HSF1: variants seen among roughly 807,000 people sequenced by gnomAD.
The protein encoded by HSF1 is heat shock transcription factor 1, also known as heat shock factor protein 1.
HSF1 carries 32 observed loss-of-function variants against 51.7 expected under a neutral mutation model. The ratio of observed to expected loss-of-function variants is 0.62; its 90% CI spans 0.47 to 0.83. The LOEUF (loss-of-function observed/expected upper bound fraction) is 0.83, where lower values mean the gene tolerates loss of function less well. HSF1 is among the 40% of genes least tolerant of loss of function. HSF1 has a pLI of 0.00. For synonymous variants in HSF1, 396 were observed against 309.7 expected (o/e 1.28, Z -2.92); for missense variants, 727 against 717.0 (o/e 1.01, Z -0.16).
intron 4 of HSF1, chr8:144,310,288 T>C (rs3757977): frequency 0.53 from 94,108 of 177,146 alleles, 25,509 homozygotes; most frequent in Admixed American, 0.66. Context: ...GGAACCGCTG[T>C]CCCACACTCG....
chr8:144,313,519 T>G lies in HSF1; in HGVS notation c.1151T>G (p.Leu384Arg). ...LSVACLDKNE[L>R]SDHLDAMDSN... ...GCCTTATCCCGGGCCAGGAATGAGC[T>G]CAGTGACCACTTGGATGCTATGGAC... is the stretch of plus-strand genomic sequence containing the variant. Residue 384 changes from leucine to arginine, a missense_variant, in exon 10 of 13, where the codon CTC becomes CGC. By Grantham distance (102) the Leu-to-Arg change is moderately radical (BLOSUM62 -2). Transcript: ENST00000528838. 6.2e-7 allele frequency: 1 copy of G among 1,609,688 alleles called. No individual in the cohort carries two copies. The highest frequency in any genetic ancestry group is 8.5e-7 in the Non-Finnish European group (1 of 1,177,094).
intron 1 of HSF1, among the ~76,000 whole-genome samples, chr8:144,308,441 C>T (rs186135960): frequency 2.6e-5 from 4 of 152,236 alleles, no homozygotes; most frequent in Non-Finnish European, 4.4e-5. Flanking sequence ...GTGTTTTCCT[C>T]GGGAGTAATG....
intron 1 of HSF1, among the ~76,000 whole-genome samples, chr8:144,295,498 C>T (rs1311313124): frequency 1.3e-5 from 2 of 152,218 alleles, no homozygotes; most frequent in Non-Finnish European, 2.9e-5. Context: ...CCCAGGTAGA[C>T]GGAGGCCTCA....
At position 144,312,074 on chromosome 8, in the gene HSF1, C is replaced by G. The variant is rs1261634603; in HGVS notation, c.972C>G (p.Leu324=). 6 of 1,612,368 alleles carry G rather than the reference C, an allele frequency of 3.7e-6. No homozygotes were observed. Among genetic ancestry groups the G allele is most frequent in the African/African-American group, 1.3e-5 (1 of 74,890 alleles). ...GGCGCCCATCTTCCGTGGACACCCT[C>G]TTGTCCCCGACCGCCCTCATTGACT... ...SPGRPSSVDT[L]LSPTALIDSI... The change falls in exon 9 of 13, where the codon CTC becomes CTG. Residue 324 remains leucine, a synonymous_variant. Transcript: ENST00000528838.
In HSF1 at chr8:144,313,625, A is replaced by T; in HGVS notation, c.1248+9A>T. On this transcript the variant is annotated intron_variant, in intron 10 of 12. Coordinates refer to ENST00000528838, the MANE Select transcript of HSF1 (RefSeq NM_005526.4). ...CCAGTGCCCTGCTGGACGTGAGTGGAGCCCCGCCGCCCCGCCTCCCCGCCC... is the reference window on the plus strand; with the variant it reads ...CCAGTGCCCTGCTGGACGTGAGTGGTGCCCCGCCGCCCCGCCTCCCCGCCC... 1 of 1,456,052 alleles carries T rather than the reference A, an allele frequency of 6.9e-7. No homozygotes were observed. The highest frequency in any genetic ancestry group is 1.2e-5 in the South Asian group (1 of 85,274). 90.2% of individuals were successfully genotyped at this position (1,456,052 alleles called of 1,614,324 possible). A position where few individuals can be genotyped will look rare whatever the true frequency, so the allele number is the denominator to read the frequency against.
intron 9 of HSF1, chr8:144,312,735 GGGA>G: frequency 2.0e-6 from 3 of 1,529,316 alleles, no homozygotes; most frequent in Non-Finnish European, 2.6e-6. Context: ...CCACTGGGGA[GGGA>G]GGAGGGCTCT....
At chr8:144,293,338 C>T (rs1043633679) in intron 1 of HSF1, 2 of 152,300 alleles carry the variant, frequency 1.3e-5, no homozygotes, top group Non-Finnish European at 2.9e-5. Flanking sequence ...GTGCACCTTC[C>T]TGGAGGCTGG....
In HSF1 at chr8:144,311,223, G is replaced by A; in HGVS notation, c.538G>A (p.Ala180Thr). The A allele has an allele frequency of 6.2e-7, 1 of 1,611,916 alleles. No homozygotes were observed. The change falls in exon 5 of 13, where the codon GCC (alanine) becomes ACC (threonine). Residue 180 changes from alanine (A) to threonine (T), a missense_variant. Ala to Thr is a moderately conservative substitution (Grantham distance 58). This residue lies in a region of HSF1 where 257 missense variants were observed against 318.3 expected (regional missense o/e 0.81). Transcript: ENST00000528838. ...GGTGGCCAGCCTTCGGCAGAAGCATGCCCAGCAACAGAAAGTCGTCAACAA... is the reference window on the plus strand; with the variant it reads ...GGTGGCCAGCCTTCGGCAGAAGCATACCCAGCAACAGAAAGTCGTCAACAA... Reference protein sequence around the residue: ...REVASLRQKHAQQQKVVNKLI... With the variant: ...REVASLRQKHTQQQKVVNKLI...
rs1167171245 is a variant in HSF1, at chr8:144,304,903, T to C, written c.118-4003T>C. On this transcript the variant is annotated intron_variant, in intron 1 of 12. Transcript: ENST00000528838. ...ATCCACACACCTCAGCCTCCCAAAG[T>C]GTTGGGATTACAGGCATGAGCCACC... Among the ~76,000 whole-genome samples the C allele has an allele frequency of 2.0e-5, 3 of 150,098 alleles. No homozygotes were observed. The East Asian group carries it at 5.9e-4, about 30-fold the overall frequency.
chr8:144,314,356 G>GCCCACC lies in HSF1; in HGVS notation c.*37_*42dup, dbSNP rs1338454083. 15 of 1,527,746 alleles carry GCCCACC rather than the reference G, an allele frequency of 9.8e-6. No homozygotes were observed. Among genetic ancestry groups the GCCCACC allele is most frequent in the Admixed American group, 4.0e-5 (2 of 50,618 alleles). 94.6% of individuals were successfully genotyped at this position (1,527,746 alleles called of 1,614,324 possible). ...AGGCCCCGGAGGAGCTGGGCCAGCC[G>GCCCACC]CCCACCCCCACCCCCAGTGCAGGGC... is the stretch of plus-strand genomic sequence containing the variant. On this transcript the variant is annotated 3_prime_UTR_variant, in exon 13 of 13. Coordinates refer to ENST00000528838, the MANE Select transcript of HSF1 (RefSeq NM_005526.4).
chr8:144,308,562 T>C (rs552986571), intron 1 of HSF1, among the ~76,000 whole-genome samples: 2 of 150,346 alleles, frequency 1.3e-5, no homozygotes, highest in East Asian at 1.9e-4. Context: ...TGAGTGGAAA[T>C]GTGGCCAGAG....
Position 144,314,408 on chromosome 8 carries a change from G to A in HSF1, c.*78G>A. On this transcript the variant is annotated 3_prime_UTR_variant, in exon 13 of 13. Transcript: ENST00000528838. ...GGTCTTGGGGAGGCAGGGCAGCCTC[G>A]CGGTCTTGGGCACTGGTGGGTCGGC... is the stretch of plus-strand genomic sequence containing the variant. 10 of 1,292,872 alleles carry A rather than the reference G, an allele frequency of 7.7e-6. No homozygotes were observed. Among genetic ancestry groups the A allele is most frequent in the Middle Eastern group, 2.0e-4 (1 of 5,094 alleles). The allele number at this position is 1,292,872 out of a possible 1,614,324, so 80.1% of individuals were successfully genotyped here. A position where few individuals can be genotyped will look rare whatever the true frequency, so the allele number is the denominator to read the frequency against.
In HSF1 at chr8:144,314,207, G is replaced by C. The variant is rs369415484; in HGVS notation, c.1467G>C (p.Pro489=). 1.9e-6 allele frequency: 3 copies of C among 1,549,856 alleles called. No homozygotes were observed. The highest frequency in any genetic ancestry group is 2.6e-6 in the Non-Finnish European group (3 of 1,146,822). The change falls in exon 13 of 13, where the codon CCG becomes CCC. Residue 489 remains proline, a synonymous_variant. Transcript: ENST00000528838. ...GSVDTGSNDL[P]VLFELGEGSY... ...TGGACACCGGGAGCAACGACCTGCC[G>C]GTGCTGTTTGAGCTGGGAGAGGGCT...
chr8:144,299,838 G>A (rs1349810042), intron 1 of HSF1, among the ~76,000 whole-genome samples: 1 of 152,172 alleles, frequency 6.6e-6, no homozygotes, highest in Non-Finnish European at 1.5e-5. Flanking sequence ...GGACCCGGGA[G>A]GTGGAGCTTG....
chr8:144,309,838 G>GT lies in HSF1; in HGVS notation c.431dup (p.Gln145AlafsTer20), dbSNP rs1564620546. ...CAGCGTCACCAAGCTGCTGACGGACGTGCAGCTGATGAAGGGGAAGCAGGA... is the reference window on the plus strand; with the variant it reads ...CAGCGTCACCAAGCTGCTGACGGACGTTGCAGCTGATGAAGGGGAAGCAGGA... On this transcript the variant is annotated frameshift_variant, in exon 4 of 13. Transcript: ENST00000528838. LOFTEE classifies it high-confidence loss of function. The GT allele has an allele frequency of 6.2e-7, 1 of 1,613,878 alleles. No homozygotes were observed.
At chr8:144,313,647 G>GCGCCGCCT in intron 10 of HSF1, 31 bp downstream of exon 10, 1 of 327,690 alleles carries the variant, frequency 3.1e-6, no homozygotes, top group South Asian at 3.3e-5. Flanking sequence ...CCGCCTCCCC[G>GCGCCGCCT]CCCCGCCTCC....
chr8:144,313,331 G>C (rs913883323), intron 9 of HSF1, 180 bp from the exon 10 acceptor site: 37 of 573,392 alleles, frequency 6.5e-5, no homozygotes, highest in African/African-American at 6.2e-4. Flanking sequence ...ACCCCTGCAG[G>C]GCACAGAGCC....
Position 144,311,174 on chromosome 8 carries a change from T to C in HSF1, c.489T>C (p.His163=). The C allele has an allele frequency of 1.2e-6, 2 of 1,600,292 alleles. No individual in the cohort carries two copies. Among genetic ancestry groups the C allele is most frequent in the Non-Finnish European group, 1.7e-6 (2 of 1,173,932 alleles). ...ACTGACCCAGCCTGGTCTGTTGCAG[T>C]GAGAATGAGGCTCTGTGGCGGGAGG... is the stretch of plus-strand genomic sequence containing the variant. The part of the protein sequence containing the change: ...CMDSKLLAMK[H]ENEALWREVA... Residue 163 remains histidine, a splice_region_variant and synonymous_variant, in exon 5 of 13, where the codon CAT becomes CAC. Coordinates refer to ENST00000528838, the MANE Select transcript of HSF1 (RefSeq NM_005526.4).
intron 9 of HSF1, 48 bp from the exon 10 acceptor site, chr8:144,313,463 G>A: frequency 4.8e-6 from 6 of 1,238,610 alleles, no homozygotes; most frequent in South Asian, 1.2e-5. Flanking sequence ...GGGCATTGGG[G>A]TGTGGGGCCT....
Sources: allele counts gnomAD v4.1 joint callset (sites outside exome capture counted in the v4.1 genomes callset), GRCh38; gene constraint gnomAD v4.1.1; regional missense constraint gnomAD v4.1.1; transcripts MANE v1.5; gene names NCBI Gene and HGNC (gene_info 2026-07-23, HGNC 2026-07-21).